The following DMD variants were observed in gnomAD, a reference collection of about 807,000 sequenced individuals.
DMD encodes the protein dystrophin.
In DMD, 63 loss-of-function variants were observed where a neutral mutation model predicts 330.1. That is an observed-to-expected ratio of 0.19 (90% CI 0.16 to 0.24). The LOEUF (loss-of-function observed/expected upper bound fraction) is 0.24, where lower values mean the gene tolerates loss of function less well. Ranked by LOEUF, DMD falls within the 10% of genes least tolerant of loss-of-function variation. DMD has a pLI of 1.00. For synonymous variants in DMD, 1,223 were observed against 959.8 expected, an observed-to-expected ratio of 1.27 and a Z score of -5.07; for missense variants, 3,344 against 2,684.1, an observed-to-expected ratio of 1.25 and a Z score of -5.43.
At chrX:32,547,083 C>A (rs920575380) in intron 16 of DMD, among the ~76,000 whole-genome samples, 1 of 110,745 alleles carries the variant, frequency 9.0e-6, no homozygotes, top group Non-Finnish European at 1.9e-5. Flanking sequence ...ATTTTTTTAA[C>A]CATGAGCACA....
At chrX:32,651,667 G>A (rs1486893813) in intron 9 of DMD, among the ~76,000 whole-genome samples, 1 of 111,263 alleles carries the variant, frequency 9.0e-6, no homozygotes, top group Non-Finnish European at 1.9e-5. Flanking sequence ...AGCCCAGATG[G>A]TAGTACAGAC....
intron 30 of DMD, among the ~76,000 whole-genome samples, chrX:32,405,701 A>G (rs1455282842): frequency 3.6e-5 from 4 of 111,177 alleles, no homozygotes; most frequent in Non-Finnish European, 5.7e-5. Context: ...CTCCAGCTTT[A>G]TTCTTTTGGC....
At chrX:32,981,494 G>T (rs1387974421) in intron 2 of DMD, among the ~76,000 whole-genome samples, 1 of 111,538 alleles carries the variant, frequency 9.0e-6, no homozygotes, top group Non-Finnish European at 1.9e-5. Flanking sequence ...TCTAGCACTG[G>T]ATTTCCAGTT....
chrX:33,144,374 T>C (rs1360345906), intron 1 of DMD, among the ~76,000 whole-genome samples: 1 of 111,052 alleles, frequency 9.0e-6, no homozygotes, highest in African/African-American at 3.3e-5. Context: ...CACAATAGGG[T>C]GATTATAGTT....
At chrX:32,478,900 T>C (rs1282406920) in intron 21 of DMD, among the ~76,000 whole-genome samples, 1 of 110,994 alleles carries the variant, frequency 9.0e-6, no homozygotes, top group Non-Finnish European at 1.9e-5. Context: ...GTCATAAAAC[T>C]CCAATGAACC....
intron 60 of DMD, among the ~76,000 whole-genome samples, chrX:31,421,845 C>G (rs1178561214): frequency 9.9e-6 from 1 of 101,122 alleles, no homozygotes; most frequent in Admixed American, 1.1e-4. Flanking sequence ...CTGGCTTCAA[C>G]CCCTCCCTGC....
chrX:31,997,236 T>C (rs1400039400), intron 44 of DMD, among the ~76,000 whole-genome samples: 1 of 111,405 alleles, frequency 9.0e-6, no homozygotes, highest in Non-Finnish European at 1.9e-5. Flanking sequence ...TTGGGTCTTA[T>C]GATCTTCGTC....
intron 27 of DMD, among the ~76,000 whole-genome samples, chrX:32,448,171 G>A (rs1272738909): frequency 9.0e-6 from 1 of 110,969 alleles, no homozygotes; most frequent in African/African-American, 3.3e-5. Context: ...AGAATTAGAA[G>A]CATAGCTACT....
chrX:32,067,562 A>G (rs1376809187), intron 44 of DMD, among the ~76,000 whole-genome samples: 1 of 110,842 alleles, frequency 9.0e-6, no homozygotes, highest in Admixed American at 9.6e-5. Flanking sequence ...TCAATTCTAT[A>G]AGTACCTAAC....
intron 11 of DMD, among the ~76,000 whole-genome samples, chrX:32,621,763 C>A (rs1332088382): frequency 9.0e-6 from 1 of 110,673 alleles, no homozygotes; most frequent in East Asian, 2.9e-4. Flanking sequence ...TGTCTCCCAG[C>A]CAAATAGAGC....
chrX:31,431,015 T>A (rs2064029416), intron 60 of DMD, among the ~76,000 whole-genome samples: 2 of 108,763 alleles, frequency 1.8e-5, no homozygotes, highest in African/African-American at 6.7e-5. Flanking sequence ...TTGGTCAGGA[T>A]GGTCTTGATC....
At chrX:31,548,666 C>T (rs1479885595) in intron 55 of DMD, among the ~76,000 whole-genome samples, 1 of 109,020 alleles carries the variant, frequency 9.2e-6, no homozygotes, top group Non-Finnish European at 1.9e-5. Flanking sequence ...ACTGGGATTA[C>T]AGGCTGCGCC....
At chrX:32,119,203 G>C (rs1441036970) in intron 44 of DMD, among the ~76,000 whole-genome samples, 1 of 110,139 alleles carries the variant, frequency 9.1e-6, no homozygotes, top group Non-Finnish European at 1.9e-5. Context: ...GGTGGCGCCA[G>C]AGCACCTGTA....
intron 7 of DMD, among the ~76,000 whole-genome samples, chrX:32,734,921 T>G (rs375816224): frequency 4.7e-5 from 5 of 105,862 alleles, no homozygotes; most frequent in Admixed American, 1.0e-4. Flanking sequence ...CCAGGGCAAT[T>G]AGGCAGGAGA....
chrX:32,590,289 C>T (rs550902065), intron 13 of DMD, among the ~76,000 whole-genome samples: 90 of 112,154 alleles, frequency 8.0e-4, no homozygotes, highest in African/African-American at 2.9e-3. Flanking sequence ...TGAGCATGGC[C>T]TCATGTTTAA....
At chrX:33,217,024 G>A (rs1326626389) in intron 1 of DMD, among the ~76,000 whole-genome samples, 1 of 111,507 alleles carries the variant, frequency 9.0e-6, no homozygotes, top group African/African-American at 3.3e-5. Flanking sequence ...GGACAAATAA[G>A]TTGAAGAGAA....
At chrX:32,462,324 A>G in intron 25 of DMD, among the ~76,000 whole-genome samples, 1 of 111,963 alleles carries the variant, frequency 8.9e-6, no homozygotes, top group East Asian at 2.8e-4. Flanking sequence ...ATCTTATTTT[A>G]CTGTGCTCAC....
chrX:31,842,061 G>T (rs1250331648), intron 48 of DMD, among the ~76,000 whole-genome samples: 1 of 111,850 alleles, frequency 8.9e-6, no homozygotes, highest in Non-Finnish European at 1.9e-5. Context: ...CATTCCAGAT[G>T]CCATTAAGAA....
chrX:32,447,521 T>C (rs1409310144), intron 27 of DMD, among the ~76,000 whole-genome samples: 1 of 111,737 alleles, frequency 8.9e-6, no homozygotes, highest in African/African-American at 3.2e-5. Flanking sequence ...AAATACATTT[T>C]AAAATATTTT....
Sources: allele counts gnomAD v4.1 joint callset (sites outside exome capture counted in the v4.1 genomes callset), GRCh38; gene constraint gnomAD v4.1.1; transcripts MANE v1.5; gene names NCBI Gene and HGNC (gene_info 2026-07-23, HGNC 2026-07-21).